The following HHAT variants were observed in gnomAD, a reference collection of about 807,000 sequenced individuals.
HHAT encodes hedgehog acyltransferase.
A neutral mutation model predicts 70.8 loss-of-function variants in HHAT; 47 were observed. The ratio of observed to expected loss-of-function variants is 0.66; its 90% confidence interval spans 0.53 to 0.85. The LOEUF is 0.85. Ranked by LOEUF, HHAT falls within the 40% of genes least tolerant of loss-of-function variation. HHAT has a pLI of 0.00. For synonymous variants in HHAT, 228 were observed against 247.6 expected, an observed-to-expected ratio of 0.92 and a Z score of 0.74; for missense variants, 609 against 604.8, an observed-to-expected ratio of 1.01 and a Z score of -0.07.
intron 7 of HHAT, among the ~76,000 whole-genome samples, chr1:210,453,573 C>A (rs2093799797): frequency 6.6e-6 from 1 of 152,060 alleles, no homozygotes; most frequent in Admixed American, 6.6e-5. Flanking sequence ...ATACCATGAT[C>A]TTTGTTCATT....
chr1:210,676,112 C>A lies in HHAT; in HGVS notation c.*1733C>A, dbSNP rs564494042. ...AATGTATGTGCACATATAAGTAATA[C>A]AAAAGTTTTGAGCTCTTCCAAGTAT... On this transcript the variant is annotated 3_prime_UTR_variant, in exon 12 of 12. Transcript: ENST00000261458. 2 of 152,228 alleles carry A rather than the reference C, an allele frequency of 1.3e-5. No homozygotes were observed. The highest frequency in any genetic ancestry group is 2.9e-5 in the Non-Finnish European group (2 of 68,022). The allele number at this position is 152,228 out of a possible 1,614,324, so 9.4% of individuals were successfully genotyped here. A position where few individuals can be genotyped will look rare whatever the true frequency, so the allele number is the denominator to read the frequency against.
chr1:210,508,829 C>A (rs533947237), intron 8 of HHAT, among the ~76,000 whole-genome samples: 1 of 152,324 alleles, frequency 6.6e-6, no homozygotes, highest in East Asian at 1.9e-4. Flanking sequence ...TCTCTCTATA[C>A]ACAAAAAACA....
intron 9 of HHAT, among the ~76,000 whole-genome samples, chr1:210,531,435 G>A (rs2095313618): frequency 6.6e-6 from 1 of 152,178 alleles, no homozygotes; most frequent in Non-Finnish European, 1.5e-5. Flanking sequence ...GGACGAGGAA[G>A]AAGAGGAACC....
At chr1:210,606,687 G>C (rs1442120152) in intron 10 of HHAT, among the ~76,000 whole-genome samples, 1 of 152,052 alleles carries the variant, frequency 6.6e-6, no homozygotes, top group Non-Finnish European at 1.5e-5. Flanking sequence ...ATTTGGTGGA[G>C]GACATCCTTT....
intron 7 of HHAT, chr1:210,439,624 G>A (rs184249304): frequency 6.6e-6 from 1 of 152,138 alleles, no homozygotes; most frequent in East Asian, 1.9e-4. Context: ...TGAAAGCCTT[G>A]TAATAGGCCC....
chr1:210,602,166 C>T (rs988422007), intron 10 of HHAT, among the ~76,000 whole-genome samples: 11 of 151,666 alleles, frequency 7.3e-5, no homozygotes, highest in Admixed American at 2.0e-4. Context: ...ACTCAGGGGT[C>T]GAGTAAAATG....
intron 4 of HHAT, 88 bp downstream of exon 4, chr1:210,387,669 G>A: frequency 3.1e-6 from 3 of 957,114 alleles, no homozygotes; most frequent in Non-Finnish European, 4.9e-6. Flanking sequence ...CGGAAGACTT[G>A]GATATTAGCA....
At chr1:210,409,971 C>T (rs2092469422) in intron 6 of HHAT, among the ~76,000 whole-genome samples, 1 of 152,084 alleles carries the variant, frequency 6.6e-6, no homozygotes. Flanking sequence ...ACTTTGCATG[C>T]AGGCAAGAGA....
At chr1:210,482,876 A>C (rs1267588983) in intron 8 of HHAT, among the ~76,000 whole-genome samples, 1 of 152,216 alleles carries the variant, frequency 6.6e-6, no homozygotes, top group Admixed American at 6.5e-5. Flanking sequence ...TAAAAGGTGT[A>C]ATGTGTTCAT....
At chr1:210,638,897 C>G (rs1198141659) in intron 11 of HHAT, among the ~76,000 whole-genome samples, 3 of 151,272 alleles carry the variant, frequency 2.0e-5, no homozygotes, top group African/African-American at 7.3e-5. Context: ...AGAGTGAGAC[C>G]CTCCCTCAAA....
At chr1:210,666,540 G>A (rs1013414966) in intron 11 of HHAT, among the ~76,000 whole-genome samples, 13 of 152,126 alleles carry the variant, frequency 8.5e-5, no homozygotes, top group Admixed American at 2.0e-4. Flanking sequence ...TAGAGGTGCA[G>A]TGGCACAATT....
intron 11 of HHAT, among the ~76,000 whole-genome samples, chr1:210,661,920 A>G (rs1333598905): frequency 6.6e-6 from 1 of 152,246 alleles, no homozygotes; most frequent in African/African-American, 2.4e-5. Context: ...CCAACATGGC[A>G]CATGTATACA....
chr1:210,617,823 A>T (rs910953506), intron 10 of HHAT, among the ~76,000 whole-genome samples: 5 of 152,184 alleles, frequency 3.3e-5, no homozygotes, highest in African/African-American at 1.2e-4. Context: ...AACTGCATTG[A>T]CCTGATGTTG....
chr1:210,614,114 T>TATACAA (rs1558276513), intron 10 of HHAT, among the ~76,000 whole-genome samples: 2 of 152,138 alleles, frequency 1.3e-5, no homozygotes, highest in Non-Finnish European at 2.9e-5. Flanking sequence ...GTAGTTTCAT[T>TATACAA]ATACAAATTT....
intron 1 of HHAT, among the ~76,000 whole-genome samples, chr1:210,331,253 G>T (rs1553310038): frequency 6.6e-6 from 1 of 152,046 alleles, no homozygotes. Flanking sequence ...CCCATCTGGG[G>T]GGGTGTGTTG....
rs35733551 is a variant in HHAT at position 210,516,737 on chromosome 1, TA to T, written c.1043+3560del. Among the ~76,000 whole-genome samples the T allele has an allele frequency of 3.6e-3, 525 of 146,348 alleles. 1 individual carries two copies. Among genetic ancestry groups the T allele is most frequent in the African/African-American group, 0.012 (470 of 39,834 alleles). On this transcript the variant is annotated intron_variant, in intron 9 of 11. Coordinates refer to ENST00000261458, the MANE Select transcript of HHAT (RefSeq NM_018194.6). Reference sequence around the variant, plus strand: ...TGTATTGAATGCTTAGTGTTTGGCATAAAAAAAAAAAGCTGCAGCATGCCCT... The same window carrying T: ...TGTATTGAATGCTTAGTGTTTGGCATAAAAAAAAAAGCTGCAGCATGCCCT...
chr1:210,447,208 C>T (rs1471159484), intron 7 of HHAT, among the ~76,000 whole-genome samples: 1 of 152,160 alleles, frequency 6.6e-6, no homozygotes, highest in African/African-American at 2.4e-5. Flanking sequence ...AATCATAGTA[C>T]TTACACAGAG....
intron 6 of HHAT, among the ~76,000 whole-genome samples, chr1:210,416,147 A>G (rs572861492): frequency 1.3e-5 from 2 of 152,330 alleles, no homozygotes; most frequent in South Asian, 4.1e-4. Flanking sequence ...AGAAAATGGA[A>G]TAAAAATAAA....
chr1:210,427,367 G>A (rs2148309203), intron 7 of HHAT, among the ~76,000 whole-genome samples: 1 of 151,778 alleles, frequency 6.6e-6, no homozygotes, highest in South Asian at 2.1e-4. Flanking sequence ...TTTGTTCTTG[G>A]TTCTCTAGTT....
Sources: allele counts gnomAD v4.1 joint callset (sites outside exome capture counted in the v4.1 genomes callset), GRCh38; gene constraint gnomAD v4.1.1; transcripts MANE v1.5; gene names NCBI Gene and HGNC (gene_info 2026-07-23, HGNC 2026-07-21).